GRIK1: variants seen among roughly 807,000 people sequenced by gnomAD.
The protein encoded by GRIK1 is glutamate receptor ionotropic, kainate 1.
GRIK1 carries 69 observed loss-of-function variants against 105.7 expected under a neutral mutation model. The ratio of observed to expected loss-of-function variants is 0.65; its 90% CI spans 0.54 to 0.80. The LOEUF (loss-of-function observed/expected upper bound fraction) is 0.80, where lower values mean the gene tolerates loss of function less well. GRIK1 is among the 30% of genes least tolerant of loss of function. The pLI, the probability that GRIK1 is intolerant of heterozygous loss-of-function variation, is 0.00. For missense variants in GRIK1, 1,109 were observed against 1,167.3 expected (o/e 0.95, Z 0.73); for synonymous variants, 438 against 431.3 (o/e 1.02, Z -0.19).
At chr21:29,918,102 G>A (rs755243785) in intron 1 of GRIK1, among the ~76,000 whole-genome samples, 6 of 151,848 alleles carry the variant, frequency 4.0e-5, no homozygotes, top group Non-Finnish European at 7.4e-5. Context: ...ATGTGAACCT[G>A]GTTATATAAT....
chr21:29,610,524 T>C (rs117292287), intron 7 of GRIK1, among the ~76,000 whole-genome samples: 1,867 of 152,216 alleles, frequency 0.012, 24 homozygotes, highest in Middle Eastern at 0.044. Context: ...GATTGCTGGC[T>C]TTGAGGATGG....
chr21:29,716,837 T>A (rs1052265078), intron 1 of GRIK1, among the ~76,000 whole-genome samples: 1 of 152,194 alleles, frequency 6.6e-6, no homozygotes, highest in Non-Finnish European at 1.5e-5. Flanking sequence ...GAGCTGAATG[T>A]TAATCACCAA....
chr21:29,579,955 A>G (rs1302423604), intron 13 of GRIK1, among the ~76,000 whole-genome samples: 5 of 138,068 alleles, frequency 3.6e-5, no homozygotes, highest in East Asian at 4.1e-4. Context: ...AAGTATATAT[A>G]TGTGTGTGTG....
rs566111609 is a variant in GRIK1, at chr21:29,571,375, A to T, written c.2130+5589T>A. 2.2e-4 allele frequency among the ~76,000 whole-genome samples: 33 copies of T among 152,102 alleles called. 1 individual carries two copies. Among genetic ancestry groups the T allele is most frequent in the African/African-American group, 7.7e-4 (32 of 41,508 alleles). On this transcript the variant is annotated intron_variant, in intron 14 of 17. Coordinates refer to ENST00000327783, the MANE Select transcript of GRIK1 (RefSeq NM_001330994.2). ...CCATTAAAAAAAAAAGAAAAAAAAA[A>T]TTCCACTTAGTTCCCTCAGCCTTAT...
chr21:29,918,959 C>T (rs953730858), intron 1 of GRIK1, among the ~76,000 whole-genome samples: 3 of 151,604 alleles, frequency 2.0e-5, no homozygotes, highest in Non-Finnish European at 2.9e-5. Flanking sequence ...GTACAACAGG[C>T]GAAGGGGAAG....
At chr21:29,645,314 T>C (rs1004632540) in intron 6 of GRIK1, among the ~76,000 whole-genome samples, 2 of 152,198 alleles carry the variant, frequency 1.3e-5, no homozygotes, top group African/African-American at 4.8e-5. Context: ...CATAGCCACA[T>C]GCTACAGTGA....
Position 29,897,108 on chromosome 21 carries a change from A to T in GRIK1, c.118+42275T>A, listed in dbSNP as rs187076643. Among the ~76,000 whole-genome samples the T allele has an allele frequency of 2.8e-3, 433 of 152,336 alleles. 1 individual carries two copies. The highest frequency in any genetic ancestry group is 0.01 in the African/African-American group (422 of 41,582). ...CCTGTGTGCATGTGTGTGTGCACATACACACAATCTCGACCTGATAATTTT... is the reference window on the plus strand; with the variant it reads ...CCTGTGTGCATGTGTGTGTGCACATTCACACAATCTCGACCTGATAATTTT... On this transcript the variant is annotated intron_variant, in intron 1 of 17. Coordinates refer to ENST00000327783, the MANE Select transcript of GRIK1 (RefSeq NM_001330994.2).
At chr21:29,834,209 C>T (rs2067717415) in intron 1 of GRIK1, among the ~76,000 whole-genome samples, 1 of 151,442 alleles carries the variant, frequency 6.6e-6, no homozygotes, top group African/African-American at 2.4e-5. Flanking sequence ...ATAATTTGAT[C>T]ATTTTTACTA....
chr21:29,792,809 TAAA>T lies in GRIK1; in HGVS notation c.119-98749_119-98747del, dbSNP rs1371988028. Among the ~76,000 whole-genome samples, 25 of 152,318 alleles carry T rather than the reference TAAA, an allele frequency of 1.6e-4. No homozygotes were observed. The South Asian group carries it at 2.9e-3, about 18-fold the overall frequency. On this transcript the variant is annotated intron_variant, in intron 1 of 17. Coordinates refer to ENST00000327783, the MANE Select transcript of GRIK1 (RefSeq NM_001330994.2). ...TAGTATGAAAGTGACAGTACAAACGTAAACAACCTCATTAGCAGCTCTTACCAA... is the reference window on the plus strand; with the variant it reads ...TAGTATGAAAGTGACAGTACAAACGTCAACCTCATTAGCAGCTCTTACCAA...
At chr21:29,573,879 CTT>C (rs981989522) in intron 14 of GRIK1, among the ~76,000 whole-genome samples, 2 of 149,350 alleles carry the variant, frequency 1.3e-5, no homozygotes, top group Admixed American at 1.3e-4. Flanking sequence ...AAAAGTGACA[CTT>C]TGTCATTTAA....
At chr21:29,694,343 C>A (rs190455411) in intron 1 of GRIK1, among the ~76,000 whole-genome samples, 2 of 151,908 alleles carry the variant, frequency 1.3e-5, no homozygotes, top group African/African-American at 4.8e-5. Flanking sequence ...AGGCTGGTCT[C>A]GAACTCCTGA....
chr21:29,798,358 G>A (rs143048302), intron 1 of GRIK1, among the ~76,000 whole-genome samples: 361 of 152,248 alleles, frequency 2.4e-3, no homozygotes, highest in African/African-American at 7.9e-3. Context: ...ACTCTACTAC[G>A]TACTCCAGGA....
At chr21:29,907,418 C>T (rs753185098) in intron 1 of GRIK1, among the ~76,000 whole-genome samples, 2 of 151,990 alleles carry the variant, frequency 1.3e-5, no homozygotes, top group South Asian at 2.1e-4. Flanking sequence ...TAATTAGATG[C>T]TTAATATATT....
intron 1 of GRIK1, among the ~76,000 whole-genome samples, chr21:29,781,877 A>C (rs971351320): frequency 1.2e-4 from 17 of 147,812 alleles, no homozygotes; most frequent in Non-Finnish European, 2.1e-4. Context: ...TCACCTTGTT[A>C]GCCAGGATGG....
At chr21:29,816,057 G>A (rs1224589688) in intron 1 of GRIK1, among the ~76,000 whole-genome samples, 1 of 152,016 alleles carries the variant, frequency 6.6e-6, no homozygotes, top group African/African-American at 2.4e-5. Flanking sequence ...TCTGACAAAG[G>A]ACTGTATCCA....
intron 1 of GRIK1, among the ~76,000 whole-genome samples, chr21:29,864,006 C>T (rs191154338): frequency 6.6e-6 from 1 of 152,142 alleles, no homozygotes; most frequent in African/African-American, 2.4e-5. Context: ...TCTGCCATAT[C>T]GTGAAACCTC....
chr21:29,707,662 A>T (rs2063951264), intron 1 of GRIK1, among the ~76,000 whole-genome samples: 1 of 151,228 alleles, frequency 6.6e-6, no homozygotes. Context: ...CACCCAGCTA[A>T]TTTTGTATTT....
intron 6 of GRIK1, among the ~76,000 whole-genome samples, chr21:29,647,365 G>A (rs1459404423): frequency 6.6e-6 from 1 of 152,138 alleles, no homozygotes; most frequent in Non-Finnish European, 1.5e-5. Flanking sequence ...TTAACCCTAG[G>A]CTTTCATTAT....
At chr21:29,736,639 T>C (rs998031887) in intron 1 of GRIK1, among the ~76,000 whole-genome samples, 1 of 152,106 alleles carries the variant, frequency 6.6e-6, no homozygotes, top group East Asian at 1.9e-4. Context: ...TTAACAATGC[T>C]TGTTTTGGTC....
Sources: allele counts gnomAD v4.1 joint callset (sites outside exome capture counted in the v4.1 genomes callset), GRCh38; gene constraint gnomAD v4.1.1; transcripts MANE v1.5; gene names NCBI Gene and HGNC (gene_info 2026-07-23, HGNC 2026-07-21).